Variants in ITGB8 observed in about 807,000 individuals in gnomAD.
ITGB8 encodes integrin beta-8.
Under a neutral mutation model 89.5 loss-of-function variants are expected in ITGB8, and 30 were observed. That is an observed-to-expected ratio of 0.34 (90% CI 0.25 to 0.45). ITGB8 has a LOEUF of 0.45. Ranked by LOEUF, ITGB8 falls within the 20% of genes least tolerant of loss-of-function variation. ITGB8 has a pLI of 1.00. For missense variants in ITGB8, 836 were observed against 933.3 expected, an observed-to-expected ratio of 0.90 and a Z score of 1.36; for synonymous variants, 335 against 320.4, an observed-to-expected ratio of 1.05 and a Z score of -0.49.
chr7:20,391,502 T>G lies in ITGB8; in HGVS notation c.1056+4T>G. 2.8e-6 allele frequency: 4 copies of G among 1,450,612 alleles called. No individual in the cohort carries two copies. The highest frequency in any genetic ancestry group is 3.8e-6 in the Non-Finnish European group (4 of 1,060,040). 89.9% of individuals were successfully genotyped at this position (1,450,612 alleles called of 1,614,324 possible). On this transcript the variant is annotated splice_donor_region_variant and intron_variant, in intron 7 of 13. Transcript: ENST00000222573. ...AAAACAATTTCATTGGTATAAGGTA[T>G]GTTAACTCTGAAAATGTTAAAATTA...
At chr7:20,387,499 G>A (rs982125901) in intron 6 of ITGB8, among the ~76,000 whole-genome samples, 4 of 152,176 alleles carry the variant, frequency 2.6e-5, no homozygotes, top group South Asian at 2.1e-4. Flanking sequence ...GCTAGTAGTC[G>A]CAGAGCCAGA....
rs985382525 is a variant in ITGB8 at position 20,379,173 on chromosome 7, A to C, written c.511A>C (p.Asn171His). ...TATAGAAAAATTAAATTCCGTTGGA[A>C]ACGATTTATCTAGAAAAATGGCATT... ...NNIEKLNSVG[N>H]DLSRKMAFFS... The change falls in exon 4 of 14, where the codon AAC becomes CAC. Residue 171 changes from asparagine (N) to histidine (H), a missense_variant. Asn to His is a moderately conservative substitution (Grantham distance 68). Around this residue, in one of 5 missense-constraint regions of ITGB8, gnomAD observed 38 missense variants for 52.2 expected, o/e 0.73. Coordinates refer to ENST00000222573, the MANE Select transcript of ITGB8 (RefSeq NM_002214.3). The C allele has an allele frequency of 1.9e-6, 3 of 1,612,072 alleles. No individual in the cohort carries two copies. The highest frequency in any genetic ancestry group is 2.5e-6 in the Non-Finnish European group (3 of 1,178,968).
intron 3 of ITGB8, among the ~76,000 whole-genome samples, chr7:20,378,517 T>C (rs190408265): frequency 6.6e-6 from 1 of 152,340 alleles, no homozygotes; most frequent in Non-Finnish European, 1.5e-5. Flanking sequence ...CTTGCTGTAC[T>C]ACACAGTACC....
chr7:20,409,791 T>C lies in ITGB8; in HGVS notation c.2187+13T>C, dbSNP rs750343195. ...AGCCTCAAAAAAGGTCAGTGAATTCTAAAAAAGAACTGCTAACAGTATGTT... is the reference window on the plus strand; with the variant it reads ...AGCCTCAAAAAAGGTCAGTGAATTCCAAAAAAGAACTGCTAACAGTATGTT... On this transcript the variant is annotated intron_variant, in intron 13 of 13. Coordinates refer to ENST00000222573, the MANE Select transcript of ITGB8 (RefSeq NM_002214.3). 33 of 1,612,186 alleles carry C rather than the reference T, an allele frequency of 2.0e-5. No individual in the cohort carries two copies. Among genetic ancestry groups the C allele is most frequent in the Non-Finnish European group, 2.5e-5 (30 of 1,179,022 alleles).
intron 1 of ITGB8, among the ~76,000 whole-genome samples, chr7:20,344,903 A>G (rs542759023): frequency 5.9e-5 from 9 of 152,232 alleles, no homozygotes; most frequent in Non-Finnish European, 1.0e-4. Flanking sequence ...CCTCGGGGAT[A>G]TGGCAGGGAA....
At chr7:20,348,048 A>AT (rs1379201474) in intron 1 of ITGB8, among the ~76,000 whole-genome samples, 3 of 152,232 alleles carry the variant, frequency 2.0e-5, no homozygotes, top group African/African-American at 7.2e-5. Context: ...GAGGAGAGGC[A>AT]TTTTTCTAAT....
Position 20,394,904 on chromosome 7 carries a change from A to T in ITGB8, c.1065A>T (p.Leu355=). Reference sequence around the variant, plus strand: ...ACTGATATGTTTTATAGGATCTTCTACCCCTCTTGCCAGGCACCATTGCTG... The same window carrying T: ...ACTGATATGTTTTATAGGATCTTCTTCCCCTCTTGCCAGGCACCATTGCTG... ...GKQFHWYKDL[L]PLLPGTIAGE... is the part of the protein sequence containing the mutation. Residue 355 remains leucine, a synonymous_variant, in exon 8 of 14, where the codon CTA becomes CTT. Coordinates refer to ENST00000222573, the MANE Select transcript of ITGB8 (RefSeq NM_002214.3). The T allele has an allele frequency of 1.2e-6, 2 of 1,611,794 alleles. No homozygotes were observed. The highest frequency in any genetic ancestry group is 2.2e-5 in the South Asian group (2 of 91,042).
Position 20,331,679 on chromosome 7 carries a change from C to T in ITGB8, c.-128C>T. On this transcript the variant is annotated 5_prime_UTR_variant, in exon 1 of 14. Transcript: ENST00000222573. ...ACCGCTTGCTCCGAGCCGCGGGGTC[C>T]GCCTGCTAGGCCTGCGGAAAACGTC... 8.5e-7 allele frequency: 1 copy of T among 1,171,342 alleles called. No homozygotes were observed. The highest frequency in any genetic ancestry group is 1.1e-6 in the Non-Finnish European group (1 of 875,146). The allele number at this position is 1,171,342 out of a possible 1,614,324, so 72.6% of individuals were successfully genotyped here.
At chr7:20,335,875 C>T (rs555379667) in intron 1 of ITGB8, among the ~76,000 whole-genome samples, 1 of 152,198 alleles carries the variant, frequency 6.6e-6, no homozygotes, top group South Asian at 2.1e-4. Context: ...TTCTTGGACC[C>T]ACACTCTCTT....
In ITGB8 at chr7:20,404,835, C is replaced by T; in HGVS notation, c.1895C>T (p.Thr632Ile). 1 of 1,614,134 alleles carries T rather than the reference C, an allele frequency of 6.2e-7. No individual in the cohort carries two copies. The part of the protein sequence containing the change: ...RFCEHCPTCY[T>I]ACKENWNCMQ... ...TGTGAACACTGCCCCACCTGTTATA[C>T]AGCCTGCAAGGAAAACTGGTATGAT... Residue 632 changes from threonine to isoleucine, a missense_variant, in exon 11 of 14, where the codon ACA (threonine) becomes ATA (isoleucine). Coordinates refer to ENST00000222573, the MANE Select transcript of ITGB8 (RefSeq NM_002214.3).
chr7:20,384,840 G>C (rs753124940), intron 6 of ITGB8, among the ~76,000 whole-genome samples: 1 of 152,144 alleles, frequency 6.6e-6, no homozygotes, highest in Non-Finnish European at 1.5e-5. Context: ...TTTACACATT[G>C]TGATATTTGT....
chr7:20,401,530 T>C (rs1787310139), intron 9 of ITGB8, among the ~76,000 whole-genome samples, 191 bp from the exon 10 acceptor site: 1 of 152,206 alleles, frequency 6.6e-6, no homozygotes, highest in South Asian at 2.1e-4. Flanking sequence ...CTCAAGTTCA[T>C]TCATTGGAAA....
In ITGB8 at chr7:20,367,196, T is replaced by C. The variant is rs1172899131; in HGVS notation, c.388+10T>C. Reference sequence around the variant, plus strand: ...ATCCAGCTGCGTCCAGGTTTGGTCATTTTCAAATAAATCTATAATGATTCT... The same window carrying C: ...ATCCAGCTGCGTCCAGGTTTGGTCACTTTCAAATAAATCTATAATGATTCT... On this transcript the variant is annotated intron_variant, in intron 3 of 13. Coordinates refer to ENST00000222573, the MANE Select transcript of ITGB8 (RefSeq NM_002214.3). 1.3e-6 allele frequency: 2 copies of C among 1,578,050 alleles called. No homozygotes were observed. Among genetic ancestry groups the C allele is most frequent in the East Asian group, 4.5e-5 (2 of 44,666 alleles).
Position 20,401,826 on chromosome 7 carries a change from A to G in ITGB8, c.1387A>G (p.Ile463Val), listed in dbSNP as rs1787323212. 9 of 1,613,740 alleles carry G rather than the reference A, an allele frequency of 5.6e-6. No homozygotes were observed. Among genetic ancestry groups the G allele is most frequent in the Non-Finnish European group, 7.6e-6 (9 of 1,179,990 alleles). Residue 463 changes from isoleucine (I) to valine (V), a missense_variant, in exon 10 of 14, where the codon ATA becomes GTA. By Grantham distance (29) the Ile-to-Val change is conservative. This residue lies in a region of ITGB8 where 422 missense variants were observed against 416.9 expected (regional missense o/e 1.01). Coordinates refer to ENST00000222573, the MANE Select transcript of ITGB8 (RefSeq NM_002214.3). Reference protein sequence around the residue: ...IGFNETAKIHIHRNCSCQCED... With the variant: ...IGFNETAKIHVHRNCSCQCED... ...TTTTAATGAAACCGCTAAAATTCAT[A>G]TACACAGAAACTGCAGCTGTCAGTG...
At chr7:20,360,967 T>G (rs139887810) in intron 1 of ITGB8, among the ~76,000 whole-genome samples, 1 of 144,484 alleles carries the variant, frequency 6.9e-6, no homozygotes, top group African/African-American at 2.5e-5. Flanking sequence ...TTATATATAA[T>G]CACTTGGAAA....
At chr7:20,397,391 A>G (rs1787130010) in intron 8 of ITGB8, among the ~76,000 whole-genome samples, 1 of 151,978 alleles carries the variant, frequency 6.6e-6, no homozygotes, top group Non-Finnish European at 1.5e-5. Context: ...ACACCCGGCT[A>G]ATTTTTGTAT....
At chr7:20,388,378 C>T (rs141356646) in intron 6 of ITGB8, among the ~76,000 whole-genome samples, 1 of 152,104 alleles carries the variant, frequency 6.6e-6, no homozygotes, top group Non-Finnish European at 1.5e-5. Context: ...TGAGAGGGAG[C>T]GTGTCTCCTG....
At chr7:20,350,259 T>C (rs893293085) in intron 1 of ITGB8, among the ~76,000 whole-genome samples, 1 of 152,168 alleles carries the variant, frequency 6.6e-6, no homozygotes, top group African/African-American at 2.4e-5. Context: ...GCGATTCTCC[T>C]GCCTCAGCCT....
At chr7:20,347,871 C>A (rs1209064590) in intron 1 of ITGB8, among the ~76,000 whole-genome samples, 1 of 152,126 alleles carries the variant, frequency 6.6e-6, no homozygotes, top group African/African-American at 2.4e-5. Context: ...AAAGACATAA[C>A]AAGGGGAGTT....
Sources: allele counts gnomAD v4.1 joint callset (sites outside exome capture counted in the v4.1 genomes callset), GRCh38; gene constraint gnomAD v4.1.1; regional missense constraint gnomAD v4.1.1; transcripts MANE v1.5; gene names NCBI Gene and HGNC (gene_info 2026-07-23, HGNC 2026-07-21).